Variants in LPAR3 observed in about 807,000 individuals in gnomAD.
LPAR3 encodes LPA receptor 3.
Under a neutral mutation model 17.8 loss-of-function variants are expected in LPAR3, and 7 were observed. The observed-to-expected ratio is 0.39, with a 90% confidence interval of 0.22 to 0.74. The LOEUF (loss-of-function observed/expected upper bound fraction) is 0.74, where lower values mean the gene tolerates loss of function less well. Among genes scored for constraint, LPAR3 ranks in the 30% least tolerant of loss-of-function variants. The pLI is 0.40. For synonymous variants in LPAR3, 179 were observed against 179.9 expected (o/e 0.99, Z 0.04); for missense variants, 391 against 453.4 (o/e 0.86, Z 1.25).
intron 1 of LPAR3, among the ~76,000 whole-genome samples, chr1:84,880,015 A>G (rs1057282191): frequency 6.6e-6 from 1 of 152,256 alleles, no homozygotes; most frequent in Non-Finnish European, 1.5e-5. Context: ...CAATCTGATC[A>G]CTATATAGTA....
chr1:84,826,409 G>T (rs758924927), intron 2 of LPAR3, among the ~76,000 whole-genome samples: 27 of 151,718 alleles, frequency 1.8e-4, no homozygotes, highest in Non-Finnish European at 2.8e-4. Context: ...TCTTTGAATG[G>T]TTGACAGAAC....
chr1:84,870,537 T>G (rs1160316999), intron 1 of LPAR3, among the ~76,000 whole-genome samples: 3 of 152,252 alleles, frequency 2.0e-5, no homozygotes, highest in Non-Finnish European at 4.4e-5. Context: ...CTGTCACCTA[T>G]TAACTAAGTG....
intron 1 of LPAR3, among the ~76,000 whole-genome samples, chr1:84,874,346 G>A (rs1034559181): frequency 2.0e-5 from 3 of 152,244 alleles, no homozygotes; most frequent in Non-Finnish European, 4.4e-5. Flanking sequence ...CTTTAGGCAG[G>A]GAGGACAGCC....
At chr1:84,875,963 G>A (rs1660248654) in intron 1 of LPAR3, among the ~76,000 whole-genome samples, 2 of 152,242 alleles carry the variant, frequency 1.3e-5, no homozygotes, top group Non-Finnish European at 2.9e-5. Context: ...TACACACCCA[G>A]GTTAGTGCCT....
chr1:84,827,228 C>G (rs1659176633), intron 2 of LPAR3, among the ~76,000 whole-genome samples: 1 of 152,072 alleles, frequency 6.6e-6, no homozygotes. Context: ...TCACAAAAAG[C>G]ACAGGGAAAC....
intron 2 of LPAR3, among the ~76,000 whole-genome samples, chr1:84,818,944 CCT>C (rs1287718264): frequency 6.6e-6 from 1 of 151,776 alleles, no homozygotes; most frequent in South Asian, 2.1e-4. Context: ...CTTTTTTCCC[CCT>C]CTCTTTTTTC....
chr1:84,882,048 C>G lies in LPAR3; in HGVS notation c.-19+10968G>C, dbSNP rs138543615. Among the ~76,000 whole-genome samples the G allele has an allele frequency of 4.8e-3, 736 of 152,244 alleles. 2 individuals are homozygous for G. The highest frequency in any genetic ancestry group is 0.02 in the South Asian group (98 of 4,814). On this transcript the variant is annotated intron_variant, in intron 1 of 2. Coordinates refer to ENST00000370611, the MANE Select transcript of LPAR3 (RefSeq NM_012152.3). The stretch of plus-strand genomic sequence containing the variant: ...GGAAACAAAGAAGTAAAATTATCTC[C>G]GTTCATCAACAACATGATCTTATAT...
At chr1:84,860,692 A>G (rs1659923773) in intron 2 of LPAR3, among the ~76,000 whole-genome samples, 1 of 151,922 alleles carries the variant, frequency 6.6e-6, no homozygotes, top group African/African-American at 2.4e-5. Context: ...CTGACTTTCT[A>G]ATATGTAAAA....
At chr1:84,885,617 G>A (rs779965376) in intron 1 of LPAR3, among the ~76,000 whole-genome samples, 6 of 152,190 alleles carry the variant, frequency 3.9e-5, no homozygotes, top group Non-Finnish European at 8.8e-5. Flanking sequence ...AGGCTGGGGA[G>A]TTTGGGGAGG....
At chr1:84,882,537 T>C (rs1451542386) in intron 1 of LPAR3, among the ~76,000 whole-genome samples, 1 of 152,140 alleles carries the variant, frequency 6.6e-6, no homozygotes, top group African/African-American at 2.4e-5. Context: ...AAAACAATCA[T>C]AAGAAAGAAG....
intron 2 of LPAR3, among the ~76,000 whole-genome samples, chr1:84,841,158 C>G (rs1161260769): frequency 1.3e-5 from 2 of 152,134 alleles, no homozygotes; most frequent in African/African-American, 4.8e-5. Context: ...CTGAGGGATC[C>G]TTTCTTTCTA....
chr1:84,827,525 TC>T (rs1359426329), intron 2 of LPAR3, among the ~76,000 whole-genome samples: 3 of 152,278 alleles, frequency 2.0e-5, no homozygotes, highest in African/African-American at 7.2e-5. Context: ...CTCTGTCTTT[TC>T]TTGACCAACT....
chr1:84,850,545 C>T (rs963562852), intron 2 of LPAR3, among the ~76,000 whole-genome samples: 1 of 152,114 alleles, frequency 6.6e-6, no homozygotes, highest in African/African-American at 2.4e-5. Flanking sequence ...GCCGAGATTG[C>T]ACTACTGCAC....
At chr1:84,868,972 C>G (rs1660106202) in intron 1 of LPAR3, among the ~76,000 whole-genome samples, 1 of 151,958 alleles carries the variant, frequency 6.6e-6, no homozygotes, top group South Asian at 2.1e-4. Context: ...ATATATTTTA[C>G]TTTGTTTCAT....
At chr1:84,839,495 G>A (rs1012963171) in intron 2 of LPAR3, among the ~76,000 whole-genome samples, 2 of 152,106 alleles carry the variant, frequency 1.3e-5, no homozygotes, top group African/African-American at 2.4e-5. Context: ...GAAACATAAT[G>A]AGACCTGTCT....
rs376367584 is a variant in LPAR3, at chr1:84,833,220, T to TC, written c.737-19050dup. 5.9e-3 allele frequency among the ~76,000 whole-genome samples: 905 copies of TC among 152,310 alleles called. 9 individuals carry two copies. The highest frequency in any genetic ancestry group is 0.021 in the African/African-American group (865 of 41,588). ...GCTCACATTCATGTCCTTTAGACTT[T>TC]CCTGCTGCCCCCTAGGAAAAACATT... On this transcript the variant is annotated intron_variant, in intron 2 of 2. Coordinates refer to ENST00000370611, the MANE Select transcript of LPAR3 (RefSeq NM_012152.3).
intron 2 of LPAR3, among the ~76,000 whole-genome samples, chr1:84,863,578 TTG>T (rs1659981450): frequency 6.6e-6 from 1 of 152,196 alleles, no homozygotes; most frequent in South Asian, 2.1e-4. Context: ...GGCTCCATCC[TTG>T]GTCCTCCTCT....
In LPAR3 at chr1:84,892,815, A is replaced by G. The variant is rs150089491; in HGVS notation, c.-19+201T>C. ...CTAGCGGGGAAAAAGGTGGGAAAAG[A>G]GCAAGTTGTGCCATACACCCGCCGG... On this transcript the variant is annotated intron_variant, in intron 1 of 2. Transcript: ENST00000370611. 2.7e-4 allele frequency among the ~76,000 whole-genome samples: 41 copies of G among 152,308 alleles called. No homozygotes were observed. The East Asian group carries it at 7.2e-3, about 27-fold the overall frequency.
chr1:84,838,287 G>A (rs1020910607), intron 2 of LPAR3, among the ~76,000 whole-genome samples: 7 of 152,098 alleles, frequency 4.6e-5, no homozygotes, highest in African/African-American at 1.4e-4. Flanking sequence ...GCATTGACAC[G>A]GGGATCCATG....
Sources: gnomAD v4.1 joint callset for allele counts (sites outside exome capture counted in the v4.1 genomes callset) on GRCh38, gnomAD v4.1.1 for gene constraint, MANE v1.5 for transcripts, NCBI Gene and HGNC (gene_info 2026-07-23, HGNC 2026-07-21) for gene names.